Variants in RAB40A observed in about 807,000 individuals in gnomAD.
The protein encoded by RAB40A is RAB40A, member RAS oncogene family, also known as ras-related protein Rab-40A.
For missense variants in RAB40A, 145 were observed against 230.2 expected (o/e 0.63, Z 2.40); for synonymous variants, 65 against 99.9 (o/e 0.65, Z 2.08).
At position 103,509,763 on chromosome X, in the gene RAB40A, T is replaced by G. The variant is rs1385379713; in HGVS notation, c.-71+7611A>C. 6.7e-5 allele frequency among the ~76,000 whole-genome samples: 7 copies of G among 105,184 alleles called. No homozygotes were observed. In the Admixed American group the frequency reaches 7.3e-4, roughly 11 times the overall value. The allele number at this position is 105,184 out of a possible 115,157, so 91.3% of individuals were successfully genotyped here. On this transcript the variant is annotated intron_variant, in intron 2 of 2. Coordinates refer to ENST00000304236, the MANE Select transcript of RAB40A (RefSeq NM_080879.3). ...TTTTTCATTATGACCAGTTTTTTCA[T>G]CATGAGCAGTTTTTTTTGTATAAAT...
downstream of RAB40A, among the ~76,000 whole-genome samples, chrX:103,494,202 T>A (rs1472526644): frequency 1.8e-5 from 2 of 112,511 alleles, no homozygotes; most frequent in African/African-American, 6.5e-5. Context: ...TGAGCACCTT[T>A]TCATATGCCT....
chrX:103,501,372 C>T (rs1043442561), intron 2 of RAB40A: 2 of 124,017 alleles, frequency 1.6e-5, no homozygotes, highest in Non-Finnish European at 1.9e-5. Context: ...GTGGCCATGC[C>T]GGGTTTAGGA....
intron 2 of RAB40A, among the ~76,000 whole-genome samples, chrX:103,512,166 G>A (rs939356722): frequency 8.9e-6 from 1 of 112,159 alleles, no homozygotes; most frequent in Admixed American, 9.4e-5. Flanking sequence ...GTAGACAGAA[G>A]GTTATTGACA....
the RAB40A span, among the ~76,000 whole-genome samples, chrX:103,493,588 C>A: frequency 3.6e-5 from 4 of 111,776 alleles, no homozygotes; most frequent in African/African-American, 1.3e-4. Flanking sequence ...CTGCCACCAT[C>A]CTTCCCAGCC....
downstream of RAB40A, among the ~76,000 whole-genome samples, chrX:103,498,513 G>T (rs2073197885): frequency 8.9e-6 from 1 of 112,816 alleles, no homozygotes; most frequent in African/African-American, 3.2e-5. Context: ...GGGGCATATA[G>T]GATGCTAGTC....
chrX:103,513,964 C>T (rs1314617742), intron 2 of RAB40A, among the ~76,000 whole-genome samples: 1 of 111,451 alleles, frequency 9.0e-6, no homozygotes, highest in East Asian at 2.8e-4. Context: ...CTGGGAAACT[C>T]TTAAGACTTT....
Position 103,518,196 on chromosome X carries a change from A to T in RAB40A, c.-222-671T>A, listed in dbSNP as rs769216573. On this transcript the variant is annotated intron_variant, in intron 1 of 2. Coordinates refer to ENST00000304236, the MANE Select transcript of RAB40A (RefSeq NM_080879.3). ...CCTTATATATATGGAATAGGAGAAA[A>T]CTAATAGAAACATTCTATTTGCTTA... 1.3e-4 allele frequency among the ~76,000 whole-genome samples: 14 copies of T among 111,713 alleles called. No individual in the cohort carries two copies. The South Asian group carries it at 4.9e-3, about 39-fold the overall frequency.
chrX:103,493,978 T>C, the RAB40A span, among the ~76,000 whole-genome samples: 2 of 112,229 alleles, frequency 1.8e-5, no homozygotes, highest in African/African-American at 3.2e-5. Context: ...CATATGGAAG[T>C]TCAATTTTTA....
At position 103,500,632 on chromosome X, in the gene RAB40A, G is replaced by T. The variant is rs61739206; in HGVS notation, c.125C>A (p.Pro42Gln). Reference protein sequence around the residue: ...ESLQDGAAESPYSHLGGIDYK... With the variant: ...ESLQDGAAESQYSHLGGIDYK... ...GTCGATCCCCCCGAGATGGCTGTAC[G>T]GGGACTCAGCTGCACCATCCTGCAG... Residue 42 changes from proline to glutamine, a missense_variant, in exon 3 of 3, where the codon CCG (proline) becomes CAG (glutamine). Transcript: ENST00000304236. 1.2e-5 allele frequency: 15 copies of T among 1,208,249 alleles called. No homozygotes were observed. Among genetic ancestry groups the T allele is most frequent in the Non-Finnish European group, 1.6e-5 (14 of 894,640 alleles).
chrX:103,500,318 G>C lies in RAB40A; in HGVS notation c.439C>G (p.Arg147Gly), dbSNP rs767829004. The C allele has an allele frequency of 2.5e-5, 30 of 1,210,307 alleles. No homozygotes were observed. The highest frequency in any genetic ancestry group is 3.2e-5 in the Non-Finnish European group (29 of 895,208). Residue 147 changes from arginine (R) to glycine (G), a missense_variant, in exon 3 of 3, where the codon CGC becomes GGC. Arg to Gly is a moderately radical substitution (Grantham distance 125). Transcript: ENST00000304236. ...PREQAQAYAERLGVTFFEVSP... is the reference protein window; with the variant it reads ...PREQAQAYAEGLGVTFFEVSP... ...ACCTCAAAGAAGGTCACACCCAGGC[G>C]CTCGGCGTAGGCCTGGGCCTGCTCC...
intron 2 of RAB40A, chrX:103,503,171 T>G (rs2073237538): frequency 1.5e-5 from 11 of 753,162 alleles, no homozygotes; most frequent in Non-Finnish European, 1.6e-5. Flanking sequence ...AGAAAAAAAT[T>G]GATTGATAGA....
Position 103,500,834 on chromosome X carries a change from A to C in RAB40A, c.-70-8T>G. 8.7e-7 allele frequency: 1 copy of C among 1,145,408 alleles called. No homozygotes were observed. The highest frequency in any genetic ancestry group is 1.8e-5 in the African/African-American group (1 of 55,339). The allele number at this position is 1,145,408 out of a possible 1,213,427, so 94.4% of individuals were successfully genotyped here. Reference sequence around the variant, plus strand: ...GGTGGTGCCGGGCCTGTTCTTCTTGAGAAATTAGCATAGAACATAAAAAAT... The same window carrying C: ...GGTGGTGCCGGGCCTGTTCTTCTTGCGAAATTAGCATAGAACATAAAAAAT... On this transcript the variant is annotated splice_region_variant and splice_polypyrimidine_tract_variant and intron_variant, in intron 2 of 2. Coordinates refer to ENST00000304236, the MANE Select transcript of RAB40A (RefSeq NM_080879.3).
Position 103,500,777 on chromosome X carries a change from G to A in RAB40A, c.-21C>T, listed in dbSNP as rs759359705. ...CTCATGGTGCTGGCCCCGCACTCCC[G>A]CCTGAGCCAGGCCCGCGGGGTTGTG... On this transcript the variant is annotated 5_prime_UTR_variant, in exon 3 of 3. Transcript: ENST00000304236. The A allele has an allele frequency of 4.3e-5, 51 of 1,199,675 alleles. No individual in the cohort carries two copies. The highest frequency in any genetic ancestry group is 3.1e-4 in the Admixed American group (14 of 45,040).
chrX:103,519,257 A>G (rs1267470456), intron 1 of RAB40A, 113 bp downstream of exon 1: 1 of 111,970 alleles, frequency 8.9e-6, no homozygotes, highest in East Asian at 2.8e-4. Context: ...TTACATAGGT[A>G]TACACGTGCC....
chrX:103,516,327 A>G (rs1186193955), intron 2 of RAB40A, among the ~76,000 whole-genome samples: 2 of 111,542 alleles, frequency 1.8e-5, no homozygotes, highest in Non-Finnish European at 3.8e-5. Context: ...CAAGTTTTAA[A>G]TTTTGATATT....
chrX:103,499,469 A>G lies in RAB40A; in HGVS notation c.*454T>C, dbSNP rs943111455. Reference sequence around the variant, plus strand: ...GTGTTTTATAAATTGGTGCTTTGACATTAAAAAGGAGGTTTACAAAAAGGC... The same window carrying G: ...GTGTTTTATAAATTGGTGCTTTGACGTTAAAAAGGAGGTTTACAAAAAGGC... On this transcript the variant is annotated 3_prime_UTR_variant, in exon 3 of 3. Transcript: ENST00000304236. 3.2e-5 allele frequency: 6 copies of G among 189,912 alleles called. No individual in the cohort carries two copies. The highest frequency in any genetic ancestry group is 1.8e-4 in the African/African-American group (6 of 32,601). 15.7% of individuals were successfully genotyped at this position (189,912 alleles called of 1,213,427 possible).
intron 2 of RAB40A, among the ~76,000 whole-genome samples, chrX:103,507,245 A>AT (rs2073260558): frequency 9.0e-6 from 1 of 111,441 alleles, no homozygotes; most frequent in Admixed American, 9.5e-5. Flanking sequence ...AGGTTTTTGT[A>AT]TTTTTTAATG....
rs757229842 is a variant in RAB40A at position 103,500,805 on chromosome X, C to T, written c.-49G>A. The stretch of plus-strand genomic sequence containing the variant: ...TGAGCCAGGCCCGCGGGGTTGTGCG[C>T]AGAGGTGGTGCCGGGCCTGTTCTTC... On this transcript the variant is annotated 5_prime_UTR_variant, in exon 3 of 3. Transcript: ENST00000304236. The T allele has an allele frequency of 8.5e-7, 1 of 1,176,476 alleles. No homozygotes were observed. The highest frequency in any genetic ancestry group is 1.1e-6 in the Non-Finnish European group (1 of 878,996).
intron 1 of RAB40A, among the ~76,000 whole-genome samples, chrX:103,519,155 T>C (rs910162883): frequency 9.0e-6 from 1 of 111,600 alleles, no homozygotes; most frequent in Non-Finnish European, 1.9e-5. Context: ...CAAATCTAAA[T>C]TGAATCAAGC....
Sources: allele counts gnomAD v4.1 joint callset (sites outside exome capture counted in the v4.1 genomes callset), GRCh38; gene constraint gnomAD v4.1.1; transcripts MANE v1.5; gene names NCBI Gene and HGNC (gene_info 2026-07-23, HGNC 2026-07-21).